SYNE1: variants seen among roughly 807,000 people sequenced by gnomAD.
The protein encoded by SYNE1 is spectrin repeat containing nuclear envelope protein 1.
Under a neutral mutation model 1,111.0 loss-of-function variants are expected in SYNE1, and 616 were observed. The observed-to-expected ratio is 0.55, with a 90% confidence interval of 0.52 to 0.59. SYNE1 has a LOEUF of 0.59. SYNE1 is among the 20% of genes least tolerant of loss of function. The pLI, the probability that SYNE1 is intolerant of heterozygous loss-of-function variation, is 0.00. For missense variants in SYNE1, 10,006 were observed against 10,417.0 expected (o/e 0.96, Z 1.72); for synonymous variants, 3,855 against 3,825.8 (o/e 1.01, Z -0.28).
intron 11 of SYNE1, among the ~76,000 whole-genome samples, chr6:152,495,164 C>T (rs536093040): frequency 3.3e-5 from 5 of 152,276 alleles, no homozygotes; most frequent in Non-Finnish European, 7.4e-5. Flanking sequence ...GTTCCATTTG[C>T]TATTCTCCCA....
intron 16 of SYNE1, 52 bp from the exon 17 acceptor site, chr6:152,466,130 T>G: frequency 8.3e-7 from 1 of 1,206,980 alleles, no homozygotes; most frequent in Non-Finnish European, 1.2e-6. Context: ...TCATGTAGAA[T>G]GCCAAAGTCA....
At chr6:152,279,468 C>T (rs373806284) in intron 97 of SYNE1, among the ~76,000 whole-genome samples, 8 of 151,708 alleles carry the variant, frequency 5.3e-5, no homozygotes, top group African/African-American at 1.2e-4. Flanking sequence ...GTAATCCCAG[C>T]ACTTTGGGAG....
rs889831791 is a variant in SYNE1 at position 152,374,697 on chromosome 6, G to A, written c.9325-1478C>T. Among the ~76,000 whole-genome samples the A allele has an allele frequency of 4.7e-4, 71 of 152,102 alleles. 1 individual carries two copies. Among genetic ancestry groups the A allele is most frequent in the African/African-American group, 1.1e-3 (45 of 41,526 alleles). ...GCTGAGGCAGGAGGATTGCTTGAAC[G>A]TGGGAGGCAGAGGTTGCAGTGAACC... On this transcript the variant is annotated intron_variant, in intron 58 of 145. Coordinates refer to ENST00000367255, the MANE Select transcript of SYNE1 (RefSeq NM_182961.4).
At chr6:152,559,989 T>C (rs900908058) in intron 3 of SYNE1, among the ~76,000 whole-genome samples, 1 of 152,160 alleles carries the variant, frequency 6.6e-6, no homozygotes, top group African/African-American at 2.4e-5. Context: ...CAATTGTATA[T>C]CAACAAATTG....
At chr6:152,377,172 A>T (rs1179704217) in intron 56 of SYNE1, among the ~76,000 whole-genome samples, 1 of 152,188 alleles carries the variant, frequency 6.6e-6, no homozygotes, top group African/African-American at 2.4e-5. Context: ...AAGTGGTGAA[A>T]TGACTTAAAA....
At chr6:152,267,812 A>G (rs2092844477) in intron 100 of SYNE1, among the ~76,000 whole-genome samples, 1 of 152,204 alleles carries the variant, frequency 6.6e-6, no homozygotes, top group African/African-American at 2.4e-5. Flanking sequence ...ACTCATGAGC[A>G]TCTTTGGACA....
intron 10 of SYNE1, among the ~76,000 whole-genome samples, chr6:152,501,629 G>C (rs2099030428): frequency 6.6e-6 from 1 of 152,084 alleles, no homozygotes; most frequent in African/African-American, 2.4e-5. Context: ...CAGCTACTTA[G>C]GAGGCTGAGG....
rs750890750 is a variant in SYNE1 at position 152,416,891 on chromosome 6, C to T, written c.5546G>A (p.Cys1849Tyr). The change falls in exon 41 of 146, where the codon TGC (cysteine) becomes TAC (tyrosine). Residue 1849 changes from cysteine to tyrosine, a missense_variant. Coordinates refer to ENST00000367255, the MANE Select transcript of SYNE1 (RefSeq NM_182961.4). ...GCTGGCCTCCTCAAACAGCTGGAAG[C>T]AGTCCTCAGCCTTTCCCTGCAGGAG... is the stretch of plus-strand genomic sequence containing the variant. The part of the protein sequence containing the change: ...LHLLQGKAED[C>Y]FQLFEEASQV... 6.2e-7 allele frequency: 1 copy of T among 1,613,912 alleles called. No homozygotes were observed. The highest frequency in any genetic ancestry group is 8.5e-7 in the Non-Finnish European group (1 of 1,179,826).
rs1001305873 is a variant in SYNE1, at chr6:152,235,984, C to T, written c.20396+123G>A. 6 of 1,053,756 alleles carry T rather than the reference C, an allele frequency of 5.7e-6. No individual in the cohort carries two copies. The African/African-American group carries it at 6.3e-5, about 11-fold the overall frequency. 65.3% of individuals were successfully genotyped at this position (1,053,756 alleles called of 1,614,324 possible). On this transcript the variant is annotated intron_variant, in intron 110 of 145. Coordinates refer to ENST00000367255, the MANE Select transcript of SYNE1 (RefSeq NM_182961.4). ...TCTTGAACTCCTGGCCTCAAGCAGT[C>T]CTCCCGTATTGGCCACCCAAGTAAT...
chr6:152,411,802 CA>C (rs1350585033), intron 42 of SYNE1, among the ~76,000 whole-genome samples: 1 of 150,992 alleles, frequency 6.6e-6, no homozygotes, highest in Non-Finnish European at 1.5e-5. Flanking sequence ...ACAAAAATGT[CA>C]CAATACCAAG....
chr6:152,606,212 T>C (rs1327882490), intron 3 of SYNE1, among the ~76,000 whole-genome samples: 1 of 152,044 alleles, frequency 6.6e-6, no homozygotes, highest in Non-Finnish European at 1.5e-5. Flanking sequence ...TCCTAAAACC[T>C]GGCATGAGGA....
chr6:152,226,760 G>T (rs753522646), intron 115 of SYNE1, among the ~76,000 whole-genome samples: 9 of 152,154 alleles, frequency 5.9e-5, no homozygotes, highest in Non-Finnish European at 1.2e-4. Context: ...ATGGAGTGGG[G>T]ATTAGAACCC....
At chr6:152,284,812 T>C (rs920206125) in intron 95 of SYNE1, among the ~76,000 whole-genome samples, 3 of 151,840 alleles carry the variant, frequency 2.0e-5, no homozygotes, top group Non-Finnish European at 4.4e-5. Context: ...TCAACATGAT[T>C]TTCCCACATT....
chr6:152,164,137 A>G, intron 131 of SYNE1, 26 bp downstream of exon 131: 1 of 1,613,704 alleles, frequency 6.2e-7, no homozygotes, highest in South Asian at 1.1e-5. Flanking sequence ...ATGGCTTATT[A>G]ATTCCATTTC....
At chr6:152,539,155 C>T (rs2099257926) in intron 4 of SYNE1, among the ~76,000 whole-genome samples, 1 of 151,944 alleles carries the variant, frequency 6.6e-6, no homozygotes, top group Non-Finnish European at 1.5e-5. Context: ...GTTTTATCAT[C>T]TAATTCATTT....
Position 152,326,350 on chromosome 6 carries a change from A to G in SYNE1, c.15239T>C (p.Leu5080Pro), listed in dbSNP as rs1158951994. ...GTCCCGGCTCATCCTCTGGCTCCTG[A>G]GTTCCAGAGAAGCCACTTTCTGTTC... ...DLEQKVASLE[L>P]RSQRMSRDSG... Residue 5080 changes from leucine (L) to proline (P), a missense_variant, in exon 79 of 146, where the codon CTC becomes CCC. Leu to Pro is a moderately conservative substitution (Grantham distance 98). Coordinates refer to ENST00000367255, the MANE Select transcript of SYNE1 (RefSeq NM_182961.4). 1 of 1,613,984 alleles carries G rather than the reference A, an allele frequency of 6.2e-7. No individual in the cohort carries two copies. Among genetic ancestry groups the G allele is most frequent in the Non-Finnish European group, 8.5e-7 (1 of 1,179,988 alleles).
intron 3 of SYNE1, among the ~76,000 whole-genome samples, chr6:152,585,324 A>G (rs2099534325): frequency 6.6e-6 from 1 of 152,248 alleles, no homozygotes; most frequent in Non-Finnish European, 1.5e-5. Context: ...ACAGACTAAT[A>G]TACTAGCATT....
chr6:152,142,373 T>G (rs1159840525), intron 138 of SYNE1, among the ~76,000 whole-genome samples: 1 of 152,224 alleles, frequency 6.6e-6, no homozygotes, highest in Non-Finnish European at 1.5e-5. Context: ...CATGGGAACT[T>G]TCTTGCATTA....
In SYNE1 at chr6:152,444,565, A is replaced by G. The variant is rs1385492994; in HGVS notation, c.3683T>C (p.Leu1228Pro). The change falls in exon 30 of 146, where the codon CTA becomes CCA. Residue 1228 changes from leucine (L) to proline (P), a missense_variant. Leu to Pro is a moderately conservative substitution (Grantham distance 98). Coordinates refer to ENST00000367255, the MANE Select transcript of SYNE1 (RefSeq NM_182961.4). ...VTLLSEVEKM[L>P]SNFGDCVQYK... ...CTGGACACAGTCCCCAAAATTGCTT[A>G]GCATCTTTTCAACCTATATTTTCAT... 6.2e-7 allele frequency: 1 copy of G among 1,611,908 alleles called. No individual in the cohort carries two copies. The highest frequency in any genetic ancestry group is 8.5e-7 in the Non-Finnish European group (1 of 1,179,582).
Sources: allele counts gnomAD v4.1 joint callset (sites outside exome capture counted in the v4.1 genomes callset), GRCh38; gene constraint gnomAD v4.1.1; transcripts MANE v1.5; gene names NCBI Gene and HGNC (gene_info 2026-07-23, HGNC 2026-07-21).